The following SLC25A18 variants were observed in gnomAD, a reference collection of about 807,000 sequenced individuals.
SLC25A18 encodes solute carrier family 25 member 18, also known as mitochondrial glutamate carrier 2.
Under a neutral mutation model 31.1 loss-of-function variants are expected in SLC25A18, and 24 were observed. The observed-to-expected ratio is 0.77, with a 90% CI of 0.56 to 1.08. The LOEUF is 1.08. SLC25A18 is among the 50% of genes least tolerant of loss of function. The pLI, the probability that SLC25A18 is intolerant of heterozygous loss-of-function variation, is 0.00. For synonymous variants in SLC25A18, 173 were observed against 161.9 expected (o/e 1.07, Z -0.52); for missense variants, 371 against 418.5 (o/e 0.89, Z 0.99).
chr22:17,588,906 A>T (rs1421394575), intron 9 of SLC25A18: 2 of 148,446 alleles, frequency 1.3e-5, no homozygotes, highest in Non-Finnish European at 3.0e-5. Context: ...AAAAAAAAAA[A>T]TGAAAACATT....
In SLC25A18 at chr22:17,587,144, C is replaced by T. The variant is rs1425383255; in HGVS notation, c.418C>T (p.His140Tyr). 4 of 1,613,824 alleles carry T rather than the reference C, an allele frequency of 2.5e-6. No homozygotes were observed. The highest frequency in any genetic ancestry group is 3.4e-6 in the Non-Finnish European group (4 of 1,179,934). The change falls in exon 8 of 11, where the codon CAT becomes TAT. Residue 140 changes from histidine to tyrosine, a missense_variant. His to Tyr is a moderately conservative substitution (Grantham distance 83). Transcript: ENST00000327451. Reference protein sequence around the residue: ...LQDAGRLAVHHQGSASAPSTS... With the variant: ...LQDAGRLAVHYQGSASAPSTS... ...TGTCCTTTCCCTTCCAGCCGTCCAT[C>T]ATCAGGGCTCGGCCTCAGCACCCTC... is the stretch of plus-strand genomic sequence containing the variant.
At chr22:17,575,002 T>C (rs554595499) in intron 2 of SLC25A18, among the ~76,000 whole-genome samples, 2 of 151,976 alleles carry the variant, frequency 1.3e-5, no homozygotes, top group South Asian at 4.2e-4. Flanking sequence ...CAGACATGCA[T>C]CACCACGCCC....
At chr22:17,575,071 C>CA (rs2057199493) in intron 2 of SLC25A18, among the ~76,000 whole-genome samples, 1 of 151,662 alleles carries the variant, frequency 6.6e-6, no homozygotes, top group African/African-American at 2.4e-5. Flanking sequence ...AGGCTAGTCT[C>CA]AAACTCGTGA....
chr22:17,567,282 CA>C (rs2056962022), intron 1 of SLC25A18, among the ~76,000 whole-genome samples: 1 of 151,716 alleles, frequency 6.6e-6, no homozygotes, highest in Non-Finnish European at 1.5e-5. Context: ...GCAACACAGA[CA>C]ACTTAAGTAA....
rs1381238357 is a variant in SLC25A18 at position 17,563,533 on chromosome 22, A to G, written c.-444A>G. ...GCATATGACAAGGACGAGGACCCCT[A>G]TTCTAGCCAGTTAAAGCTGGACAGA... is the stretch of plus-strand genomic sequence containing the variant. On this transcript the variant is annotated 5_prime_UTR_variant, in exon 1 of 11. Transcript: ENST00000327451. 4 of 270,796 alleles carry G rather than the reference A, an allele frequency of 1.5e-5. No individual in the cohort carries two copies. Among genetic ancestry groups the G allele is most frequent in the Admixed American group, 6.5e-5 (1 of 15,432 alleles). 16.8% of individuals were successfully genotyped at this position (270,796 alleles called of 1,614,324 possible).
At chr22:17,583,587 C>T (rs2057440638) in intron 7 of SLC25A18, 53 bp downstream of exon 7, 2 of 1,586,200 alleles carry the variant, frequency 1.3e-6, no homozygotes, top group South Asian at 2.2e-5. Context: ...GGATTGGAAC[C>T]AGGCACATCC....
chr22:17,577,948 A>AGGCTAACC (rs2057275675), intron 2 of SLC25A18, among the ~76,000 whole-genome samples: 1 of 148,796 alleles, frequency 6.7e-6, no homozygotes, highest in Non-Finnish European at 1.5e-5. Flanking sequence ...AAGTGTTGGG[A>AGGCTAACC]TTACAGGCAT....
Position 17,568,711 on chromosome 22 carries a change from G to A in SLC25A18, c.-263-1213G>A, listed in dbSNP as rs751219012. Reference sequence around the variant, plus strand: ...CGAGTAGCTGGGACTACACGCGCCTGCCACCACGCCTGACTAATTTTTTGT... The same window carrying A: ...CGAGTAGCTGGGACTACACGCGCCTACCACCACGCCTGACTAATTTTTTGT... On this transcript the variant is annotated intron_variant, in intron 1 of 10. Coordinates refer to ENST00000327451, the MANE Select transcript of SLC25A18 (RefSeq NM_031481.3). Among the ~76,000 whole-genome samples, 398 of 151,096 alleles carry A rather than the reference G, an allele frequency of 2.6e-3. 2 individuals are homozygous for A. Among genetic ancestry groups the A allele is most frequent in the Non-Finnish European group, 4.0e-3 (270 of 67,756 alleles).
intron 1 of SLC25A18, among the ~76,000 whole-genome samples, chr22:17,567,155 CTG>C (rs1285948211): frequency 2.0e-4 from 30 of 152,332 alleles, no homozygotes; most frequent in South Asian, 8.3e-4. Context: ...GAGCAAGACA[CTG>C]TCTCAAAAAT....
intron 10 of SLC25A18, 82 bp downstream of exon 10, chr22:17,589,747 A>G: frequency 1.5e-6 from 2 of 1,301,286 alleles, no homozygotes; most frequent in Non-Finnish European, 2.2e-6. Flanking sequence ...TTAGAGACCA[A>G]CTTGAATTGC....
rs201128146 is a variant in SLC25A18 at position 17,583,447 on chromosome 22, G to C, written c.322G>C (p.Ala108Pro). The change falls in exon 7 of 11, where the codon GCC (alanine) becomes CCC (proline). Residue 108 changes from alanine (A) to proline (P), a missense_variant. By Grantham distance (27) the Ala-to-Pro change is conservative. Transcript: ENST00000327451. The stretch of plus-strand genomic sequence containing the variant: ...GCGGAACCTGAAGATGGAGATGCTT[G>C]CCGGGTGTGGGGCTGGGATGTGCCA... ...MQRNLKMEMLAGCGAGMCQVV... is the reference protein window; with the variant it reads ...MQRNLKMEMLPGCGAGMCQVV... 8.3e-5 allele frequency: 134 copies of C among 1,614,012 alleles called. No homozygotes were observed. The highest frequency in any genetic ancestry group is 1.1e-4 in the Non-Finnish European group (124 of 1,180,050).
intron 6 of SLC25A18, 151 bp from the exon 7 acceptor site, chr22:17,583,265 C>A: frequency 2.2e-6 from 2 of 894,984 alleles, no homozygotes; most frequent in Non-Finnish European, 3.5e-6. Context: ...CGTACAGAGA[C>A]CACACCTAAG....
intron 1 of SLC25A18, among the ~76,000 whole-genome samples, 200 bp downstream of exon 1, chr22:17,563,913 T>C (rs992245627): frequency 1.3e-5 from 2 of 152,056 alleles, no homozygotes; most frequent in African/African-American, 2.4e-5. Flanking sequence ...AGGAAAAATA[T>C]TTTTGGTTCC....
intron 9 of SLC25A18, 99 bp from the exon 10 acceptor site, chr22:17,589,491 T>C: frequency 9.4e-7 from 1 of 1,067,730 alleles, no homozygotes; most frequent in Non-Finnish European, 1.4e-6. Flanking sequence ...GTCAGTTTTA[T>C]ATGTGGTGGC....
At chr22:17,580,112 C>A (rs991398977) in intron 3 of SLC25A18, 148 bp downstream of exon 3, 2 of 651,294 alleles carry the variant, frequency 3.1e-6, no homozygotes, top group Non-Finnish European at 5.3e-6. Context: ...TACACTACAT[C>A]TACTGTGGCA....
At chr22:17,585,217 C>A (rs1348708782) in intron 7 of SLC25A18, 1 of 151,752 alleles carries the variant, frequency 6.6e-6, no homozygotes, top group Non-Finnish European at 1.5e-5. Context: ...ATGGCGAAAC[C>A]CCATCTCTAC....
chr22:17,572,787 G>A (rs946474662), intron 2 of SLC25A18, among the ~76,000 whole-genome samples: 11 of 148,000 alleles, frequency 7.4e-5, no homozygotes, highest in African/African-American at 2.1e-4. Context: ...GACTACAGGC[G>A]CCCGCCACCA....
intron 7 of SLC25A18, among the ~76,000 whole-genome samples, chr22:17,585,002 T>G (rs1043392705): frequency 6.6e-6 from 1 of 151,838 alleles, no homozygotes; most frequent in Non-Finnish European, 1.5e-5. Flanking sequence ...TTCAGCGTGG[T>G]ACACTCCTGT....
In SLC25A18 at chr22:17,584,543, G is replaced by T. The variant is rs2146264878; in HGVS notation, c.409+1009G>T. Among the ~76,000 whole-genome samples, 3 of 151,832 alleles carry T rather than the reference G, an allele frequency of 2.0e-5. No homozygotes were observed. In the East Asian group the frequency reaches 5.8e-4, roughly 30 times the overall value. On this transcript the variant is annotated intron_variant, in intron 7 of 10. Coordinates refer to ENST00000327451, the MANE Select transcript of SLC25A18 (RefSeq NM_031481.3). The stretch of plus-strand genomic sequence containing the variant: ...GCCTGTAATCCCAGCACTTTGGGAG[G>T]CCGAGGCAGGCGGATCACCTGAGGT...
Sources: gnomAD v4.1 joint callset for allele counts (sites outside exome capture counted in the v4.1 genomes callset) on GRCh38, gnomAD v4.1.1 for gene constraint, MANE v1.5 for transcripts, NCBI Gene and HGNC (gene_info 2026-07-23, HGNC 2026-07-21) for gene names.